TBL1X: variants seen among roughly 807,000 people sequenced by gnomAD.
The protein encoded by TBL1X is transducin beta like 1 X-linked.
In TBL1X, 10 loss-of-function variants were observed where a neutral mutation model predicts 50.7. That is an observed-to-expected ratio of 0.20 (90% CI 0.12 to 0.33). The LOEUF (loss-of-function observed/expected upper bound fraction) is 0.33, where lower values mean the gene tolerates loss of function less well. Ranked by LOEUF, TBL1X falls within the 10% of genes least tolerant of loss-of-function variation. TBL1X has a pLI of 1.00. For missense variants in TBL1X, 340 were observed against 504.4 expected, an observed-to-expected ratio of 0.67 and a Z score of 3.12; for synonymous variants, 190 against 214.7, an observed-to-expected ratio of 0.88 and a Z score of 1.01.
At chrX:9,467,272 A>G (rs2081781916) in intron 1 of TBL1X, among the ~76,000 whole-genome samples, 1 of 111,430 alleles carries the variant, frequency 9.0e-6, no homozygotes, top group African/African-American at 3.3e-5. Context: ...AGGGTCAGGA[A>G]TTCAGATTAT....
At chrX:9,513,149 T>C (rs2082065010) in intron 2 of TBL1X, among the ~76,000 whole-genome samples, 1 of 111,089 alleles carries the variant, frequency 9.0e-6, no homozygotes, top group South Asian at 3.8e-4. Context: ...TGCAGGAAGA[T>C]CCCTCTTTAA....
intron 12 of TBL1X, 39 bp downstream of exon 12, chrX:9,697,468 G>A (rs763168929): frequency 2.5e-6 from 3 of 1,202,747 alleles, no homozygotes; most frequent in African/African-American, 1.8e-5. Context: ...TTGTTTTTTT[G>A]TAATTCAAAA....
chrX:9,693,480 A>C, intron 11 of TBL1X, 61 bp downstream of exon 11: 29 of 1,042,089 alleles, frequency 2.8e-5, no homozygotes, highest in African/African-American at 3.7e-5. Context: ...TTTTAATCTC[A>C]AAATAACATC....
intron 13 of TBL1X, among the ~76,000 whole-genome samples, chrX:9,707,659 A>G (rs945377880): frequency 1.8e-5 from 2 of 112,502 alleles, no homozygotes; most frequent in African/African-American, 6.5e-5. Flanking sequence ...CCAGCTCTAC[A>G]TTCCTGGGCC....
intron 2 of TBL1X, among the ~76,000 whole-genome samples, chrX:9,612,497 A>T (rs959422174): frequency 8.9e-6 from 1 of 112,432 alleles, no homozygotes; most frequent in African/African-American, 3.2e-5. Flanking sequence ...GTATTAAATT[A>T]TTATTGTAAT....
chrX:9,660,787 G>A (rs918290833), intron 5 of TBL1X, among the ~76,000 whole-genome samples: 6 of 112,242 alleles, frequency 5.3e-5, no homozygotes, highest in Admixed American at 1.9e-4. Flanking sequence ...TTTACATAAC[G>A]TATATATGGC....
intron 2 of TBL1X, chrX:9,637,346 T>C (rs770914595): frequency 1.8e-5 from 2 of 112,102 alleles, no homozygotes; most frequent in Non-Finnish European, 3.8e-5. Context: ...TATTCTGATT[T>C]TTCACAATAG....
chrX:9,600,479 G>C (rs976923353), intron 2 of TBL1X, among the ~76,000 whole-genome samples: 1 of 80,980 alleles, frequency 1.2e-5, no homozygotes, highest in South Asian at 8.2e-4. Flanking sequence ...CGGGGGGGGG[G>C]GTACACAAAT....
chrX:9,467,023 C>G (rs1304734453), intron 1 of TBL1X, among the ~76,000 whole-genome samples: 1 of 111,994 alleles, frequency 8.9e-6, no homozygotes, highest in African/African-American at 3.2e-5. Context: ...GCCCCTTTAC[C>G]TCAGAGAACT....
chrX:9,481,306 A>G (rs752774804), intron 1 of TBL1X, among the ~76,000 whole-genome samples: 1 of 112,180 alleles, frequency 8.9e-6, no homozygotes, highest in South Asian at 3.6e-4. Flanking sequence ...CGTTTGAAAC[A>G]TTGCTCATTC....
chrX:9,507,136 A>G (rs926043552), intron 2 of TBL1X, among the ~76,000 whole-genome samples: 1 of 112,381 alleles, frequency 8.9e-6, no homozygotes, highest in African/African-American at 3.2e-5. Flanking sequence ...AAATAGGAAG[A>G]GAGGAAGTCA....
chrX:9,600,207 G>C (rs1416288943), intron 2 of TBL1X, among the ~76,000 whole-genome samples: 1 of 110,823 alleles, frequency 9.0e-6, no homozygotes, highest in South Asian at 3.9e-4. Context: ...GAAATGTATT[G>C]CTCATAGCTC....
chrX:9,660,582 C>G (rs887998009), intron 5 of TBL1X, among the ~76,000 whole-genome samples: 1 of 111,725 alleles, frequency 9.0e-6, no homozygotes, highest in East Asian at 2.8e-4. Flanking sequence ...CTGATTTGCC[C>G]TGATTCGTAG....
At chrX:9,533,646 C>G in intron 2 of TBL1X, among the ~76,000 whole-genome samples, 1 of 111,046 alleles carries the variant, frequency 9.0e-6, no homozygotes, top group East Asian at 2.9e-4. Flanking sequence ...TCGCAGACAG[C>G]AGACCCCAAG....
In TBL1X at chrX:9,634,377, G is replaced by A. The variant is rs762913310; in HGVS notation, c.-130-5896G>A. Among the ~76,000 whole-genome samples the A allele has an allele frequency of 2.4e-4, 27 of 111,043 alleles. No individual in the cohort carries two copies. In the Middle Eastern group the frequency reaches 0.014, roughly 57 times the overall value. On this transcript the variant is annotated intron_variant, in intron 2 of 17. Coordinates refer to ENST00000645353, the MANE Select transcript of TBL1X (RefSeq NM_005647.4). ...ACACATGGAAACCACCACTGCCGTC[G>A]GACACAGTGTATGCTGTAGAAGCAC... is the stretch of plus-strand genomic sequence containing the variant.
At chrX:9,553,119 G>C (rs969702765) in intron 2 of TBL1X, among the ~76,000 whole-genome samples, 1 of 111,345 alleles carries the variant, frequency 9.0e-6, no homozygotes, top group South Asian at 3.9e-4. Flanking sequence ...CTCCAGCCTG[G>C]GCAACAGAGC....
intron 5 of TBL1X, among the ~76,000 whole-genome samples, chrX:9,669,679 T>G (rs2082949850): frequency 8.9e-6 from 1 of 112,002 alleles, no homozygotes; most frequent in African/African-American, 3.2e-5. Context: ...CAGGCACATG[T>G]GAGTACATGC....
At chrX:9,676,317 C>G (rs2082993864) in intron 5 of TBL1X, among the ~76,000 whole-genome samples, 3 of 111,737 alleles carry the variant, frequency 2.7e-5, no homozygotes. Context: ...AGCAGCACCC[C>G]CTACCCTAGC....
chrX:9,569,000 G>A (rs1255656750), intron 2 of TBL1X, among the ~76,000 whole-genome samples: 2 of 109,711 alleles, frequency 1.8e-5, no homozygotes, highest in Non-Finnish European at 3.8e-5. Context: ...TGTGCTGTGT[G>A]TGTGTCTGTG....
Sources: allele counts gnomAD v4.1 joint callset (sites outside exome capture counted in the v4.1 genomes callset), GRCh38; gene constraint gnomAD v4.1.1; transcripts MANE v1.5; gene names NCBI Gene and HGNC (gene_info 2026-07-23, HGNC 2026-07-21).